The following TASOR2 variants were observed in gnomAD, a reference collection of about 807,000 sequenced individuals.
TASOR2 encodes protein TASOR 2.
Under a neutral mutation model 199.5 loss-of-function variants are expected in TASOR2, and 84 were observed. The observed-to-expected ratio is 0.42, with a 90% CI of 0.35 to 0.50. The LOEUF is 0.50. Ranked by LOEUF, TASOR2 falls within the 20% of genes least tolerant of loss-of-function variation. The probability of loss-of-function intolerance (pLI) is 0.02; values close to 1 mark genes in which losing one functional copy is unlikely to be tolerated. For synonymous variants in TASOR2, 1,103 were observed against 1,046.6 expected (o/e 1.05, Z -1.04); for missense variants, 2,796 against 2,835.9 (o/e 0.99, Z 0.32).
chr10:5,691,769 C>T (rs1466163933), intron 1 of TASOR2, among the ~76,000 whole-genome samples: 1 of 152,134 alleles, frequency 6.6e-6, no homozygotes, highest in African/African-American at 2.4e-5. Context: ...CCTGCACCTC[C>T]GTTTGATTAA....
rs1054080060 is a variant in TASOR2 at position 5,735,649 on chromosome 10, A to G, written c.1447+103A>G. ...GTGTAAGAGCAGTTGCAATGTCCCAATAATTTTTTCTGTGTTTTTCAGTTC... is the reference window on the plus strand; with the variant it reads ...GTGTAAGAGCAGTTGCAATGTCCCAGTAATTTTTTCTGTGTTTTTCAGTTC... On this transcript the variant is annotated intron_variant, in intron 12 of 20. Coordinates refer to ENST00000328090, the Ensembl canonical transcript of TASOR2. The G allele has an allele frequency of 2.8e-5, 39 of 1,389,708 alleles. No individual in the cohort carries two copies. In the East Asian group the frequency reaches 8.4e-4, roughly 30 times the overall value. The allele number at this position is 1,389,708 out of a possible 1,614,324, so 86.1% of individuals were successfully genotyped here. A position where few individuals can be genotyped will look rare whatever the true frequency, so the allele number is the denominator to read the frequency against.
Position 5,706,552 on chromosome 10 carries a change from A to G in TASOR2, c.-287-6271A>G, listed in dbSNP as rs1312301162. On this transcript the variant is annotated intron_variant, in intron 1 of 20. Transcript: ENST00000328090. The surrounding 1 kb of genome is among the most constrained non-coding windows in gnomAD (Gnocchi z 4.8). ...CAGACAAAATCTTTGATCTATCTTT[A>G]TCCAGAGGATATTGTTAGTTCTCTA... Among the ~76,000 whole-genome samples, 2 of 152,244 alleles carry G rather than the reference A, an allele frequency of 1.3e-5. No individual in the cohort carries two copies. The highest frequency in any genetic ancestry group is 2.9e-5 in the Non-Finnish European group (2 of 68,048).
chr10:5,763,036 A>T, exon 21 of TASOR2: 1 of 1,611,908 alleles, frequency 6.2e-7, no homozygotes, highest in South Asian at 1.1e-5. Flanking sequence ...CAGGTGACTC[A>T]ACTACAGCCT....
At position 5,701,883 on chromosome 10, in the gene TASOR2, A is replaced by G. The variant is rs375812412; in HGVS notation, c.-287-10940A>G. On this transcript the variant is annotated intron_variant, in intron 1 of 20. Coordinates refer to ENST00000328090, the Ensembl canonical transcript of TASOR2. This position sits in a 1 kb window ranked among gnomAD's most constrained non-coding sequence, Gnocchi z 4.9. ...TGGTGGAGTCCAGGTTTTTCTAAGTATAAGATCACGTTATCTGTGAACAGG... is the reference window on the plus strand; with the variant it reads ...TGGTGGAGTCCAGGTTTTTCTAAGTGTAAGATCACGTTATCTGTGAACAGG... Among the ~76,000 whole-genome samples, 5 of 151,958 alleles carry G rather than the reference A, an allele frequency of 3.3e-5. No homozygotes were observed. Among genetic ancestry groups the G allele is most frequent in the African/African-American group, 1.2e-4 (5 of 41,406 alleles).
Position 5,742,243 on chromosome 10 carries a change from C to T in TASOR2, c.2474C>T (p.Ser825Phe), listed in dbSNP as rs1396600764. The T allele has an allele frequency of 1.2e-6, 2 of 1,614,118 alleles. No individual in the cohort carries two copies. The highest frequency in any genetic ancestry group is 2.2e-5 in the East Asian group (1 of 44,878). The change falls in exon 14 of 21, where the codon TCT becomes TTT. Residue 825 changes from serine (S) to phenylalanine (F), a missense_variant. Ser to Phe is a radical substitution (Grantham distance 155, BLOSUM62 -2). Coordinates refer to ENST00000328090, the Ensembl canonical transcript of TASOR2. The surrounding 1 kb of genome is among the most constrained non-coding windows in gnomAD (Gnocchi z 4.2). ...CACAGCAACCCAGCAAAATATGTGT[C>T]TATAAATAGCACGTTAGAATCTTGT...
chr10:5,747,469 T>G (rs1159436082), exon 15 of TASOR2: 1 of 1,614,036 alleles, frequency 6.2e-7, no homozygotes, highest in African/African-American at 1.3e-5. Context: ...TCCCTCAGTG[T>G]CAGAAGAACC....
In TASOR2 at chr10:5,706,440, A is replaced by G. The variant is rs747432023; in HGVS notation, c.-287-6383A>G. Among the ~76,000 whole-genome samples, 3 of 152,220 alleles carry G rather than the reference A, an allele frequency of 2.0e-5. No individual in the cohort carries two copies. The highest frequency in any genetic ancestry group is 4.4e-5 in the Non-Finnish European group (3 of 68,038). On this transcript the variant is annotated intron_variant, in intron 1 of 20. Transcript: ENST00000328090. The surrounding 1 kb of genome is among the most constrained non-coding windows in gnomAD (Gnocchi z 4.8). The stretch of plus-strand genomic sequence containing the variant: ...CAAAGTTAGAAAGCCAGGCAGTAAT[A>G]TCAGAGGGCACAAGCCCAGATTGAA...
chr10:5,759,154 G>A (rs548617648), intron 18 of TASOR2, among the ~76,000 whole-genome samples, 162 bp downstream of exon 19: 36 of 152,334 alleles, frequency 2.4e-4, no homozygotes, highest in Non-Finnish European at 4.1e-4. Flanking sequence ...GCTATGTGCT[G>A]TGACCGTAGC....
At position 5,719,001 on chromosome 10, in the gene TASOR2, A is replaced by G. The variant is rs1037062148; in HGVS notation, c.-100+1251A>G. Among the ~76,000 whole-genome samples the G allele has an allele frequency of 2.0e-5, 3 of 152,156 alleles. No individual in the cohort carries two copies. The highest frequency in any genetic ancestry group is 7.2e-5 in the African/African-American group (3 of 41,428). ...CTCAATCTTCATTTTATTTCACAAA[A>G]TCGAGCCGCACCCAGAACCATAAAA... On this transcript the variant is annotated intron_variant, in intron 3 of 20. Transcript: ENST00000328090. The surrounding 1 kb of genome is among the most constrained non-coding windows in gnomAD (Gnocchi z 4.1).
Position 5,740,600 on chromosome 10 carries a change from A to G in TASOR2, c.2327+103A>G, listed in dbSNP as rs1836271540. 9.6e-6 allele frequency: 12 copies of G among 1,253,854 alleles called. No individual in the cohort carries two copies. The South Asian group carries it at 1.8e-4, about 18-fold the overall frequency. The allele number at this position is 1,253,854 out of a possible 1,614,324, so 77.7% of individuals were successfully genotyped here. On this transcript the variant is annotated intron_variant, in intron 13 of 20. Transcript: ENST00000328090. This position sits in a 1 kb window ranked among gnomAD's most constrained non-coding sequence, Gnocchi z 5.3. ...GCCAAACTCTGGAGAAGGAGAAAGA[A>G]GTGTTGTGTTTAAAACCAGTAATTT... is the stretch of plus-strand genomic sequence containing the variant.
At position 5,742,303 on chromosome 10, in the gene TASOR2, A is replaced by C; in HGVS notation, c.2534A>C (p.Glu845Ala). 6.2e-7 allele frequency: 1 copy of C among 1,614,158 alleles called. No individual in the cohort carries two copies. Among genetic ancestry groups the C allele is most frequent in the Non-Finnish European group, 8.5e-7 (1 of 1,180,008 alleles). ...GAAATTGAGGAGTCCCTTGGTTTGGAAAAATGTTCTGCAGACTCTCTGTTG... is the reference window on the plus strand; with the variant it reads ...GAAATTGAGGAGTCCCTTGGTTTGGCAAAATGTTCTGCAGACTCTCTGTTG... The change falls in exon 14 of 21, where the codon GAA (glutamate) becomes GCA (alanine). Residue 845 changes from glutamate (E) to alanine (A), a missense_variant. By Grantham distance (107) the Glu-to-Ala change is moderately radical. This residue lies in a region of TASOR2 where 1,941 missense variants were observed against 1,924.9 expected (regional missense o/e 1.01). Transcript: ENST00000328090. The surrounding 1 kb of genome is among the most constrained non-coding windows in gnomAD (Gnocchi z 4.2).
Position 5,754,312 on chromosome 10 carries a change from T to A in TASOR2, c.6607-2301T>A, listed in dbSNP as rs1015817345. Among the ~76,000 whole-genome samples, 1 of 152,060 alleles carries A rather than the reference T, an allele frequency of 6.6e-6. No homozygotes were observed. The highest frequency in any genetic ancestry group is 1.5e-5 in the Non-Finnish European group (1 of 68,008). ...CAGAGCAGTAATCTTAGTTCTCACTTCCTTTCCAGATGAAGTGATAATGAT... is the reference window on the plus strand; with the variant it reads ...CAGAGCAGTAATCTTAGTTCTCACTACCTTTCCAGATGAAGTGATAATGAT... On this transcript the variant is annotated intron_variant, in intron 15 of 20. Transcript: ENST00000328090. This position sits in a 1 kb window ranked among gnomAD's most constrained non-coding sequence, Gnocchi z 4.3.
At position 5,740,307 on chromosome 10, in the gene TASOR2, G is replaced by C; in HGVS notation, c.2137G>C (p.Asp713His). 6.2e-7 allele frequency: 1 copy of C among 1,614,176 alleles called. No homozygotes were observed. Among genetic ancestry groups the C allele is most frequent in the South Asian group, 1.1e-5 (1 of 91,056 alleles). Residue 713 changes from aspartate to histidine, a missense_variant, in exon 13 of 21, where the codon GAC becomes CAC. Physicochemically the swap from Asp to His is moderately conservative, Grantham distance 81. Transcript: ENST00000328090. The surrounding 1 kb of genome is among the most constrained non-coding windows in gnomAD (Gnocchi z 5.3). ...TTTGCTTCAGCAAAAGCCTCCTGACGACCCCGTGGTGAAGCCCAAGGATCG... is the reference window on the plus strand; with the variant it reads ...TTTGCTTCAGCAAAAGCCTCCTGACCACCCCGTGGTGAAGCCCAAGGATCG...
At chr10:5,762,582 A>T in exon 20 of TASOR2, 1 of 1,458,316 alleles carries the variant, frequency 6.9e-7, no homozygotes, top group South Asian at 1.3e-5. Context: ...AATCCTTGTT[A>T]CAGATGTAAA....
chr10:5,761,465 C>CTA lies in TASOR2; in HGVS notation c.7169_7170dup (p.Thr2391Ter). On this transcript the variant is annotated frameshift_variant, in exon 19 of 21. Coordinates refer to ENST00000328090, the Ensembl canonical transcript of TASOR2. LOFTEE classifies it high-confidence loss of function. ...TATTGATGCCAGGTTTGCTGTCCTCCTAACAGGTAATTCACAGGCGCATTT... is the reference window on the plus strand; with the variant it reads ...TATTGATGCCAGGTTTGCTGTCCTCCTATAACAGGTAATTCACAGGCGCATTT... 6.2e-7 allele frequency: 1 copy of CTA among 1,610,822 alleles called. No homozygotes were observed.
chr10:5,731,341 C>A (rs1284466233), intron 11 of TASOR2, 138 bp downstream of exon 12: 2 of 737,486 alleles, frequency 2.7e-6, no homozygotes, highest in Non-Finnish European at 4.4e-6. Context: ...CCAGTCTGAC[C>A]AATACGGTGA....
chr10:5,741,921 G>A (rs1588846206), intron 13 of TASOR2, among the ~76,000 whole-genome samples, 176 bp from the exon 15 acceptor site: 1 of 152,298 alleles, frequency 6.6e-6, no homozygotes, highest in South Asian at 2.1e-4. Context: ...GAGTGGGTTA[G>A]ATGGATAATT....
At chr10:5,692,726 C>T (rs1396670351) in intron 1 of TASOR2, 1 of 151,838 alleles carries the variant, frequency 6.6e-6, no homozygotes, top group Non-Finnish European at 1.5e-5. Flanking sequence ...GGGCCATGCC[C>T]CTGGGCTCCG....
Position 5,740,029 on chromosome 10 carries a change from T to C in TASOR2, c.1859T>C (p.Leu620Ser). The C allele has an allele frequency of 6.2e-7, 1 of 1,614,120 alleles. No homozygotes were observed. Among genetic ancestry groups the C allele is most frequent in the South Asian group, 1.1e-5 (1 of 91,092 alleles). ...ACAGTTAGCCAAGATGAAGAAAGCT[T>C]GGTTCCTTGTAGTCAGGCCCCTGCT... The change falls in exon 13 of 21, where the codon TTG becomes TCG. Residue 620 changes from leucine to serine, a missense_variant. Leu to Ser is a moderately radical substitution (Grantham distance 145). This residue lies in a region of TASOR2 where 847 missense variants were observed against 887.4 expected (regional missense o/e 0.95). Coordinates refer to ENST00000328090, the Ensembl canonical transcript of TASOR2. This position sits in a 1 kb window ranked among gnomAD's most constrained non-coding sequence, Gnocchi z 5.3.
Sources: allele counts gnomAD v4.1 joint callset (sites outside exome capture counted in the v4.1 genomes callset), GRCh38; gene constraint gnomAD v4.1.1; regional missense constraint gnomAD v4.1.1; non-coding constraint Gnocchi (gnomAD v3.1); transcripts MANE v1.5; gene names NCBI Gene and HGNC (gene_info 2026-07-23, HGNC 2026-07-21).